Variants in KANK1 observed in about 807,000 individuals in gnomAD.
The protein encoded by KANK1 is KN motif and ankyrin repeat domain-containing protein 1.
A neutral mutation model predicts 106.2 loss-of-function variants in KANK1; 109 were observed. The observed-to-expected ratio is 1.03, with a 90% CI of 0.88 to 1.20. The LOEUF is 1.20. Among genes scored for constraint, KANK1 ranks in the 50% most tolerant of loss-of-function variants. The pLI, the probability that KANK1 is intolerant of heterozygous loss-of-function variation, is 0.00. For missense variants in KANK1, 2,399 were observed against 1,710.7 expected (o/e 1.40, Z -7.10); for synonymous variants, 873 against 652.2 (o/e 1.34, Z -5.16).
chr9:567,815 G>C (rs192472924), intron 1 of KANK1, among the ~76,000 whole-genome samples: 314 of 152,280 alleles, frequency 2.1e-3, no homozygotes, highest in African/African-American at 7.1e-3. Context: ...CAGAATTAGA[G>C]TCTCTCATTT....
chr9:608,927 A>G (rs1340523523), intron 1 of KANK1, among the ~76,000 whole-genome samples: 1 of 152,190 alleles, frequency 6.6e-6, no homozygotes, highest in African/African-American at 2.4e-5. Flanking sequence ...ATTTTCTTGG[A>G]TGGAAGCATG....
intron 1 of KANK1, among the ~76,000 whole-genome samples, chr9:663,776 T>A (rs1843920486): frequency 6.6e-6 from 1 of 152,210 alleles, no homozygotes. Context: ...TTGCAGGCTC[T>A]GAGATGGTTT....
At chr9:695,733 A>G (rs1327397016) in intron 2 of KANK1, among the ~76,000 whole-genome samples, 2 of 152,142 alleles carry the variant, frequency 1.3e-5, no homozygotes, top group Admixed American at 6.5e-5. Flanking sequence ...GAACCCACCC[A>G]TTGTTCTAAG....
chr9:712,766 G>C lies in KANK1; in HGVS notation c.2000G>C (p.Arg667Pro), dbSNP rs3824420. The change falls in exon 3 of 12, where the codon CGT becomes CCT. Residue 667 changes from arginine to proline, a missense_variant. By Grantham distance (103) the Arg-to-Pro change is moderately radical. Transcript: ENST00000382297. ...QVEAAVMAVP[R>P]TADQDTSTDL... ...GAAGCTGCCGTCATGGCAGTGCCTCGTACTGCAGACCAGGACACTAGCACA... is the reference window on the plus strand; with the variant it reads ...GAAGCTGCCGTCATGGCAGTGCCTCCTACTGCAGACCAGGACACTAGCACA... 4 of 1,613,702 alleles carry C rather than the reference G, an allele frequency of 2.5e-6. No homozygotes were observed. Among genetic ancestry groups the C allele is most frequent in the Admixed American group, 1.7e-5 (1 of 59,896 alleles).
chr9:686,283 C>T (rs1044978793), intron 2 of KANK1, among the ~76,000 whole-genome samples: 12 of 152,134 alleles, frequency 7.9e-5, no homozygotes, highest in African/African-American at 2.9e-4. Context: ...ATGCTTTATT[C>T]AACTCAGGGA....
intron 2 of KANK1, chr9:471,047 T>C (rs909792081): frequency 1.3e-5 from 2 of 152,210 alleles, no homozygotes; most frequent in Non-Finnish European, 2.9e-5. Context: ...GAACACTAGA[T>C]TGCATTGTCA....
intron 1 of KANK1, among the ~76,000 whole-genome samples, chr9:525,361 G>GTT (rs2059742208): frequency 6.6e-6 from 1 of 150,568 alleles, no homozygotes; most frequent in South Asian, 2.1e-4. Context: ...GTGTGTGTGT[G>GTT]TGTGTGTGTG....
chr9:712,933 C>G lies in KANK1; in HGVS notation c.2167C>G (p.Arg723Gly), dbSNP rs148853957. Residue 723 changes from arginine to glycine, a missense_variant, in exon 3 of 12, where the codon CGT becomes GGT. Arg to Gly is a moderately radical substitution (Grantham distance 125). Transcript: ENST00000382297. ...ETRTVAVGEG[R>G]VKDINSSTKT... ...GCGGACAGTAGCTGTAGGAGAAGGCCGTGTCAAGGACATCAACTCCTCCAC... is the reference window on the plus strand; with the variant it reads ...GCGGACAGTAGCTGTAGGAGAAGGCGGTGTCAAGGACATCAACTCCTCCAC... 6.2e-7 allele frequency: 1 copy of G among 1,614,118 alleles called. No individual in the cohort carries two copies. The highest frequency in any genetic ancestry group is 8.5e-7 in the Non-Finnish European group (1 of 1,180,026).
At chr9:521,305 C>A (rs1349370629) in intron 1 of KANK1, among the ~76,000 whole-genome samples, 1 of 151,524 alleles carries the variant, frequency 6.6e-6, no homozygotes, top group Non-Finnish European at 1.5e-5. Flanking sequence ...GGTGTGGGGG[C>A]CATCTACTTA....
At position 648,162 on chromosome 9, in the gene KANK1, C is replaced by A. The variant is rs978371351; in HGVS notation, c.-83-28728C>A. Among the ~76,000 whole-genome samples, 31 of 147,340 alleles carry A rather than the reference C, an allele frequency of 2.1e-4. 1 individual carries two copies. The highest frequency in any genetic ancestry group is 3.5e-3 in the Middle Eastern group (1 of 286). On this transcript the variant is annotated intron_variant, in intron 1 of 11. Transcript: ENST00000382297. Reference sequence around the variant, plus strand: ...GGGACCACAGGCACACACCACCACGCCTGGGTAATTTTTATATTTTTAGTA... The same window carrying A: ...GGGACCACAGGCACACACCACCACGACTGGGTAATTTTTATATTTTTAGTA...
At chr9:564,475 T>C (rs1348977799) in intron 1 of KANK1, among the ~76,000 whole-genome samples, 1 of 152,200 alleles carries the variant, frequency 6.6e-6, no homozygotes, top group African/African-American at 2.4e-5. Context: ...TAGTTATAAA[T>C]TATATACGTG....
intron 1 of KANK1, among the ~76,000 whole-genome samples, chr9:521,011 C>G (rs1176626382): frequency 6.6e-6 from 1 of 151,654 alleles, no homozygotes; most frequent in Non-Finnish European, 1.5e-5. Context: ...GGCCTTTTGA[C>G]AGAAATAAAA....
chr9:606,566 A>G (rs1039122928), intron 1 of KANK1, among the ~76,000 whole-genome samples: 4 of 136,276 alleles, frequency 2.9e-5, no homozygotes, highest in South Asian at 2.7e-4. Context: ...CAGAAAAAAA[A>G]TATATGTGTG....
chr9:587,418 A>G (rs1588052210), intron 1 of KANK1, among the ~76,000 whole-genome samples: 1 of 152,232 alleles, frequency 6.6e-6, no homozygotes, highest in African/African-American at 2.4e-5. Flanking sequence ...CACAGACTAG[A>G]TAATACTAGG....
At chr9:744,978 A>T in intron 11 of KANK1, 195 bp from the exon 12 acceptor site, 2 of 1,483,988 alleles carry the variant, frequency 1.3e-6, no homozygotes, top group Non-Finnish European at 1.8e-6. Flanking sequence ...TTCCCAGGAC[A>T]GCCGGACATA....
At chr9:719,486 CTCT>C (rs1389471827) in intron 3 of KANK1, among the ~76,000 whole-genome samples, 1 of 152,216 alleles carries the variant, frequency 6.6e-6, no homozygotes, top group African/African-American at 2.4e-5. Context: ...GCTGGCTACA[CTCT>C]TCTTTTTTGT....
Position 710,980 on chromosome 9 carries a change from C to T in KANK1, c.214C>T (p.Pro72Ser), listed in dbSNP as rs774905765. Reference protein sequence around the residue: ...NIQKRRKPSVPCPEPRTTSGQ... With the variant: ...NIQKRRKPSVSCPEPRTTSGQ... ...CCAGAAGAGGCGGAAGCCGTCCGTGCCATGCCCAGAACCCAGGACCACATC... is the reference window on the plus strand; with the variant it reads ...CCAGAAGAGGCGGAAGCCGTCCGTGTCATGCCCAGAACCCAGGACCACATC... The change falls in exon 3 of 12, where the codon CCA becomes TCA. Residue 72 changes from proline to serine, a missense_variant. Transcript: ENST00000382297. The T allele has an allele frequency of 1.9e-6, 3 of 1,614,168 alleles. No homozygotes were observed. Among genetic ancestry groups the T allele is most frequent in the Middle Eastern group, 1.6e-4 (1 of 6,062 alleles).
chr9:734,175 A>G (rs1203080069), intron 6 of KANK1: 1 of 151,850 alleles, frequency 6.6e-6, no homozygotes, highest in Non-Finnish European at 1.5e-5. Flanking sequence ...TTATTCCAGA[A>G]TGTCATAAAG....
At chr9:696,149 TG>T (rs1821237719) in intron 2 of KANK1, among the ~76,000 whole-genome samples, 1 of 151,908 alleles carries the variant, frequency 6.6e-6, no homozygotes, top group Admixed American at 6.6e-5. Flanking sequence ...CCGGGCGTGG[TG>T]GCGGGCGCCT....
Sources: allele counts gnomAD v4.1 joint callset (sites outside exome capture counted in the v4.1 genomes callset), GRCh38; gene constraint gnomAD v4.1.1; transcripts MANE v1.5; gene names NCBI Gene and HGNC (gene_info 2026-07-23, HGNC 2026-07-21).